Variants in RALYL observed in about 807,000 individuals in gnomAD.
RALYL encodes the protein RALY RNA binding protein like, also known as RNA-binding Raly-like protein.
A neutral mutation model predicts 35.1 loss-of-function variants in RALYL; 29 were observed. That is an observed-to-expected ratio of 0.83 (90% CI 0.61 to 1.13). RALYL has a LOEUF of 1.13. Ranked by LOEUF, RALYL falls within the 50% of genes most tolerant of loss-of-function variation. The probability of loss-of-function intolerance (pLI) is 0.00; values close to 1 mark genes in which losing one functional copy is unlikely to be tolerated. For synonymous variants in RALYL, 120 were observed against 127.6 expected (o/e 0.94, Z 0.40); for missense variants, 359 against 360.4 (o/e 1.00, Z 0.03).
At chr8:84,450,346 T>C (rs1019917873) in intron 1 of RALYL, among the ~76,000 whole-genome samples, 5 of 151,818 alleles carry the variant, frequency 3.3e-5, no homozygotes, top group African/African-American at 1.2e-4. Context: ...GGAGTAATAA[T>C]ATGGGCTGAT....
At chr8:84,877,284 C>T (rs557336535) in intron 7 of RALYL, among the ~76,000 whole-genome samples, 8 of 152,012 alleles carry the variant, frequency 5.3e-5, no homozygotes, top group African/African-American at 1.9e-4. Context: ...GTTAGGAGTT[C>T]GAGACCAGCC....
At position 84,403,524 on chromosome 8, in the gene RALYL, G is replaced by GTTTTTTTTTTTTTTTTTTTT. The variant is rs769845435; in HGVS notation, c.-23-125764_-23-125745dup. On this transcript the variant is annotated intron_variant, in intron 1 of 8. Coordinates refer to ENST00000521268, the MANE Select transcript of RALYL (RefSeq NM_173848.7). ...TTCTGTTCCATTGGTCTATATCTCT[G>GTTTTTTTTTTTTTTTTTTTT]TTTTTTTTTTTTTTTTTTTTTTTTT... Among the ~76,000 whole-genome samples the GTTTTTTTTTTTTTTTTTTTT allele has an allele frequency of 1.0e-4, 4 of 39,426 alleles. 1 individual carries two copies. The highest frequency in any genetic ancestry group is 4.0e-4 in the Admixed American group (1 of 2,492). 25.9% of individuals were successfully genotyped at this position (39,426 alleles called of 152,430 possible). A position where few individuals can be genotyped will look rare whatever the true frequency, so the allele number is the denominator to read the frequency against.
At chr8:84,882,728 C>T (rs932350281) in intron 7 of RALYL, among the ~76,000 whole-genome samples, 6 of 151,990 alleles carry the variant, frequency 3.9e-5, no homozygotes. Flanking sequence ...GAGAAATGCA[C>T]ATACACACAA....
intron 6 of RALYL, among the ~76,000 whole-genome samples, chr8:84,869,237 G>A (rs1232626210): frequency 6.6e-6 from 1 of 152,166 alleles, no homozygotes; most frequent in Admixed American, 6.5e-5. Context: ...ACTCTTACCT[G>A]TGCATATCAC....
At chr8:84,648,688 T>C (rs898312705) in intron 2 of RALYL, among the ~76,000 whole-genome samples, 1 of 151,872 alleles carries the variant, frequency 6.6e-6, no homozygotes, top group South Asian at 2.1e-4. Context: ...TTAATTCTCA[T>C]GTTTTCTAAT....
chr8:84,423,798 T>C (rs1032492831), intron 1 of RALYL, among the ~76,000 whole-genome samples: 1 of 151,686 alleles, frequency 6.6e-6, no homozygotes, highest in African/African-American at 2.4e-5. Context: ...TTATTTCTCC[T>C]TCACTTATGA....
chr8:84,883,473 A>G (rs1842482814), intron 7 of RALYL, among the ~76,000 whole-genome samples: 2 of 152,060 alleles, frequency 1.3e-5, no homozygotes, highest in Non-Finnish European at 2.9e-5. Flanking sequence ...AGTGAAAGGC[A>G]CATCTTATAT....
chr8:84,679,838 T>A, intron 2 of RALYL: 1 of 389,246 alleles, frequency 2.6e-6, no homozygotes. Context: ...CAGACTCACA[T>A]CTTTATTTTT....
intron 1 of RALYL, among the ~76,000 whole-genome samples, chr8:84,445,074 C>G (rs1281574037): frequency 6.6e-6 from 1 of 151,942 alleles, no homozygotes; most frequent in Non-Finnish European, 1.5e-5. Context: ...CATTTTTTAG[C>G]AATGACCAAA....
At chr8:84,288,667 T>C (rs1838158177) in intron 1 of RALYL, among the ~76,000 whole-genome samples, 1 of 152,202 alleles carries the variant, frequency 6.6e-6, no homozygotes, top group Non-Finnish European at 1.5e-5. Context: ...TGAGAAGAGA[T>C]GCAAGATATT....
chr8:84,634,994 G>A (rs1018943413), intron 2 of RALYL, among the ~76,000 whole-genome samples: 7 of 151,728 alleles, frequency 4.6e-5, no homozygotes, highest in African/African-American at 1.7e-4. Flanking sequence ...TAGTTAGGGA[G>A]AACCTGCTGT....
At chr8:84,441,094 TA>T (rs2048284351) in intron 1 of RALYL, among the ~76,000 whole-genome samples, 1 of 152,108 alleles carries the variant, frequency 6.6e-6, no homozygotes, top group Non-Finnish European at 1.5e-5. Context: ...AGTAGTGGTG[TA>T]TTTTTTTAAT....
intron 3 of RALYL, among the ~76,000 whole-genome samples, chr8:84,779,844 C>G (rs2133688083): frequency 6.6e-6 from 1 of 152,196 alleles, no homozygotes; most frequent in East Asian, 1.9e-4. Flanking sequence ...TCTAGCACAT[C>G]ATGGGAAAAG....
At position 84,350,727 on chromosome 8, in the gene RALYL, T is replaced by C. The variant is rs541674526; in HGVS notation, c.-24+166303T>C. Among the ~76,000 whole-genome samples the C allele has an allele frequency of 1.3e-5, 2 of 150,168 alleles. 1 individual carries two copies. The highest frequency in any genetic ancestry group is 3.0e-5 in the Non-Finnish European group (2 of 67,726). ...AATAAGCAAAACACAAATAAAACTGTCCAGTGGAAATTGGCTAAGAGTAAT... is the reference window on the plus strand; with the variant it reads ...AATAAGCAAAACACAAATAAAACTGCCCAGTGGAAATTGGCTAAGAGTAAT... On this transcript the variant is annotated intron_variant, in intron 1 of 8. Transcript: ENST00000521268.
At chr8:84,462,766 C>T (rs959432005) in intron 1 of RALYL, among the ~76,000 whole-genome samples, 113 of 151,824 alleles carry the variant, frequency 7.4e-4, no homozygotes, top group African/African-American at 2.7e-3. Flanking sequence ...TCTGTTTCCT[C>T]CAAACTATCC....
At chr8:84,528,721 G>A (rs1159195922) in intron 1 of RALYL, among the ~76,000 whole-genome samples, 1 of 151,754 alleles carries the variant, frequency 6.6e-6, no homozygotes, top group East Asian at 1.9e-4. Flanking sequence ...TTTTAAAATT[G>A]TGGTTTTCTT....
chr8:84,402,108 G>C (rs2042977789), intron 1 of RALYL, among the ~76,000 whole-genome samples: 1 of 152,050 alleles, frequency 6.6e-6, no homozygotes, highest in South Asian at 2.1e-4. Context: ...TTTCCATTCT[G>C]CTTTCCGTGT....
At chr8:84,654,297 A>G (rs576968365) in intron 2 of RALYL, among the ~76,000 whole-genome samples, 1 of 111,230 alleles carries the variant, frequency 9.0e-6, no homozygotes, top group East Asian at 2.3e-4. Context: ...ATATATATAT[A>G]TATATATATA....
intron 8 of RALYL, among the ~76,000 whole-genome samples, chr8:84,908,863 CTTTT>C (rs199823649): frequency 7.1e-6 from 1 of 141,074 alleles, no homozygotes; most frequent in African/African-American, 2.6e-5. Context: ...CCCTCCAGCA[CTTTT>C]TTTTTTTTTT....
Sources: allele counts gnomAD v4.1 joint callset (sites outside exome capture counted in the v4.1 genomes callset), GRCh38; gene constraint gnomAD v4.1.1; transcripts MANE v1.5; gene names NCBI Gene and HGNC (gene_info 2026-07-23, HGNC 2026-07-21).